The following ELF1 variants were observed in gnomAD, a reference collection of about 807,000 sequenced individuals.
ELF1 encodes the protein E74 like ETS transcription factor 1, also known as ETS-related transcription factor Elf-1.
Under a neutral mutation model 59.9 loss-of-function variants are expected in ELF1, and 24 were observed. The observed-to-expected ratio is 0.40, with a 90% CI of 0.29 to 0.56. The LOEUF (loss-of-function observed/expected upper bound fraction) is 0.56. ELF1 is among the 20% of genes least tolerant of loss of function. ELF1 has a pLI of 0.44. For synonymous variants in ELF1, 248 were observed against 266.2 expected (o/e 0.93, Z 0.67); for missense variants, 627 against 742.2 (o/e 0.84, Z 1.80).
intron 1 of ELF1, among the ~76,000 whole-genome samples, chr13:41,006,199 G>A (rs984258954): frequency 1.4e-5 from 2 of 141,518 alleles, no homozygotes; most frequent in South Asian, 4.4e-4. Context: ...CAACCAGAAG[G>A]ATCTTGCTCA....
chr13:40,999,923 C>T (rs961608948), intron 1 of ELF1, among the ~76,000 whole-genome samples: 4 of 152,066 alleles, frequency 2.6e-5, no homozygotes, highest in Admixed American at 2.0e-4. Flanking sequence ...CCACATAATC[C>T]TTCTTATTAT....
intron 1 of ELF1, among the ~76,000 whole-genome samples, chr13:41,018,876 T>G (rs929589526): frequency 1.3e-5 from 2 of 152,162 alleles, no homozygotes; most frequent in African/African-American, 4.8e-5. Flanking sequence ...TAACTTCAAC[T>G]ACCCCAAAAA....
At chr13:41,003,049 T>G (rs1874554334) in intron 1 of ELF1, among the ~76,000 whole-genome samples, 1 of 152,200 alleles carries the variant, frequency 6.6e-6, no homozygotes, top group Non-Finnish European at 1.5e-5. Context: ...CATTAAACAG[T>G]AAAAGATTAG....
At chr13:40,937,288 AAACT>A (rs1008142847) in intron 8 of ELF1, among the ~76,000 whole-genome samples, 2 of 152,206 alleles carry the variant, frequency 1.3e-5, no homozygotes, top group African/African-American at 4.8e-5. Flanking sequence ...AAAATTTCTG[AAACT>A]AACACAGACC....
chr13:40,998,757 G>A (rs1300398323), intron 1 of ELF1, among the ~76,000 whole-genome samples: 1 of 152,112 alleles, frequency 6.6e-6, no homozygotes, highest in African/African-American at 2.4e-5. Context: ...TAACTAAAGT[G>A]CATCAAATAT....
intron 1 of ELF1, among the ~76,000 whole-genome samples, chr13:41,011,593 A>C (rs1223378228): frequency 6.6e-6 from 1 of 150,636 alleles, no homozygotes; most frequent in African/African-American, 2.4e-5. Flanking sequence ...ACAGTCACTC[A>C]CCATCATGCC....
intron 1 of ELF1, among the ~76,000 whole-genome samples, chr13:40,983,417 G>A (rs141660028): frequency 5.7e-4 from 87 of 152,210 alleles, no homozygotes; most frequent in Non-Finnish European, 1.0e-3. Flanking sequence ...TCACTTAATC[G>A]GTTTCCTAAT....
chr13:40,976,029 C>T (rs1826612094), intron 2 of ELF1, among the ~76,000 whole-genome samples: 1 of 152,026 alleles, frequency 6.6e-6, no homozygotes, highest in Non-Finnish European at 1.5e-5. Context: ...ATAGAAATAA[C>T]AGAATAAAGT....
Position 40,945,762 on chromosome 13 carries a change from C to T in ELF1, c.530-1837G>A, listed in dbSNP as rs557847209. Among the ~76,000 whole-genome samples the T allele has an allele frequency of 2.0e-5, 3 of 152,294 alleles. No homozygotes were observed. The East Asian group carries it at 5.8e-4, about 29-fold the overall frequency. ...ACTGTTTCATATTTTTTAATCCACACTAAATTTACTGGAGTTTACTAATTC... is the reference window on the plus strand; with the variant it reads ...ACTGTTTCATATTTTTTAATCCACATTAAATTTACTGGAGTTTACTAATTC... On this transcript the variant is annotated intron_variant, in intron 5 of 8. Coordinates refer to ENST00000239882, the MANE Select transcript of ELF1 (RefSeq NM_172373.4).
chr13:41,011,094 C>T (rs570665480), intron 1 of ELF1, among the ~76,000 whole-genome samples: 2 of 152,302 alleles, frequency 1.3e-5, no homozygotes, highest in Admixed American at 1.3e-4. Context: ...ACATGAAACA[C>T]TGATCAGGAA....
rs1292254620 is a variant in ELF1, at chr13:41,006,457, G to C, written c.-229+12771C>G. 3.9e-5 allele frequency among the ~76,000 whole-genome samples: 6 copies of C among 152,154 alleles called. No individual in the cohort carries two copies. In the South Asian group the frequency reaches 1.2e-3, roughly 32 times the overall value. ...TAACCCTAACTGGGGGGCAGGATGGGGAGTGAGTTGGGGAGTCTCAGAGCA... is the reference window on the plus strand; with the variant it reads ...TAACCCTAACTGGGGGGCAGGATGGCGAGTGAGTTGGGGAGTCTCAGAGCA... On this transcript the variant is annotated intron_variant, in intron 1 of 8. Coordinates refer to ENST00000239882, the MANE Select transcript of ELF1 (RefSeq NM_172373.4).
chr13:41,039,006 CAA>C (rs11405097), intron 1 of ELF1, among the ~76,000 whole-genome samples: 32 of 76,542 alleles, frequency 4.2e-4, no homozygotes, highest in African/African-American at 5.6e-4. Context: ...GAGACTTTGT[CAA>C]AAAAAAAAAA....
chr13:41,057,807 C>T (rs548966694), intron 1 of ELF1, among the ~76,000 whole-genome samples: 100 of 152,280 alleles, frequency 6.6e-4, no homozygotes, highest in African/African-American at 2.3e-3. Context: ...ATGGCACAAG[C>T]GTTAAGAATG....
intron 2 of ELF1, among the ~76,000 whole-genome samples, chr13:40,970,298 T>C (rs531095690): frequency 1.3e-5 from 2 of 152,332 alleles, no homozygotes; most frequent in Admixed American, 6.5e-5. Context: ...CTAGGTTACT[T>C]TGAACAGTAA....
rs1179163681 is a variant in ELF1, at chr13:41,031,970, G to A, written c.-229+28868C>T. 2.0e-5 allele frequency among the ~76,000 whole-genome samples: 3 copies of A among 151,914 alleles called. No individual in the cohort carries two copies. The East Asian group carries it at 5.8e-4, about 29-fold the overall frequency. On this transcript the variant is annotated intron_variant, in intron 1 of 1. Transcript: ENST00000405737. ...ACATATCATACTTCACTAATAAAAT[G>A]TAGAAATACTACACTAACATTCTAG...
intron 5 of ELF1, among the ~76,000 whole-genome samples, chr13:40,946,435 T>G (rs1870513783): frequency 6.6e-6 from 1 of 152,178 alleles, no homozygotes; most frequent in Admixed American, 6.5e-5. Context: ...AGGCAACCAC[T>G]CATCTGTTTC....
At chr13:41,051,934 C>CTTTTTTTTTTTTTTTTTT (rs757348738) in intron 1 of ELF1, among the ~76,000 whole-genome samples, 1 of 127,250 alleles carries the variant, frequency 7.9e-6, no homozygotes. Context: ...TTCTTTTTCT[C>CTTTTTTTTTTTTTTTTTT]TTTTTTTTTT....
At chr13:41,046,261 A>G (rs1310336251) in intron 1 of ELF1, among the ~76,000 whole-genome samples, 1 of 152,182 alleles carries the variant, frequency 6.6e-6, no homozygotes, top group Non-Finnish European at 1.5e-5. Flanking sequence ...GTGTCTTTTA[A>G]TTGGAGCATT....
chr13:41,010,964 T>C (rs1329428562), intron 1 of ELF1, among the ~76,000 whole-genome samples: 5 of 152,228 alleles, frequency 3.3e-5, no homozygotes, highest in Non-Finnish European at 7.4e-5. Flanking sequence ...TTTCCACATT[T>C]ACATTGTTAA....
Sources: gnomAD v4.1 joint callset for allele counts (sites outside exome capture counted in the v4.1 genomes callset) on GRCh38, gnomAD v4.1.1 for gene constraint, MANE v1.5 for transcripts, NCBI Gene and HGNC (gene_info 2026-07-23, HGNC 2026-07-21) for gene names.